The following ATP10B variants were observed in gnomAD, a reference collection of about 807,000 sequenced individuals.
The protein encoded by ATP10B is ATPase phospholipid transporting 10B (putative).
ATP10B carries 122 observed loss-of-function variants against 141.2 expected under a neutral mutation model. The ratio of observed to expected loss-of-function variants is 0.86; its 90% CI spans 0.75 to 1.00. The LOEUF is 1.00. Ranked by LOEUF, ATP10B falls within the 50% of genes least tolerant of loss-of-function variation. The pLI is 0.00. For synonymous variants in ATP10B, 685 were observed against 692.0 expected (o/e 0.99, Z 0.16); for missense variants, 1,876 against 1,825.3 (o/e 1.03, Z -0.51).
chr5:160,580,618 T>C (rs764407323), intron 24 of ATP10B, among the ~76,000 whole-genome samples: 3 of 152,200 alleles, frequency 2.0e-5, no homozygotes, highest in Non-Finnish European at 4.4e-5. Flanking sequence ...TGGCCTGAAA[T>C]TTTCTTTTGT....
chr5:160,838,992 G>A (rs749752033), intron 1 of ATP10B, among the ~76,000 whole-genome samples: 58 of 152,200 alleles, frequency 3.8e-4, no homozygotes, highest in Middle Eastern at 6.8e-3. Context: ...GCCATGTGAG[G>A]TGCAAGCTCC....
intron 1 of ATP10B, among the ~76,000 whole-genome samples, chr5:160,808,473 G>A (rs1024917063): frequency 2.0e-5 from 3 of 152,076 alleles, no homozygotes; most frequent in Non-Finnish European, 4.4e-5. Flanking sequence ...TTCTGTTTTT[G>A]CTAATCATTT....
At chr5:160,870,177 G>A in the ATP10B span, among the ~76,000 whole-genome samples, 1 of 152,108 alleles carries the variant, frequency 6.6e-6, no homozygotes, top group Admixed American at 6.6e-5. Context: ...CAAGGGGAAA[G>A]AAAGTAACCT....
chr5:160,687,880 T>A lies in ATP10B; in HGVS notation c.195A>T (p.Arg65Ser). 1 of 1,614,104 alleles carries A rather than the reference T, an allele frequency of 6.2e-7. No homozygotes were observed. Among genetic ancestry groups the A allele is most frequent in the Non-Finnish European group, 8.5e-7 (1 of 1,180,030 alleles). Residue 65 changes from arginine (R) to serine (S), a missense_variant, in exon 5 of 26, where the codon AGA (arginine) becomes AGT (serine). Arg to Ser is a moderately radical substitution (Grantham distance 110, BLOSUM62 -1). Coordinates refer to ENST00000327245, the MANE Select transcript of ATP10B (RefSeq NM_025153.3). ...TTGTGCAGGTTCTGTTGCCAGGGTA[T>A]CTCCTGGAGACCTCTTCCCAATCTT... ...FHQDWEEVSR[R>S]YPGNRTCTTK...
chr5:160,869,659 G>A, the ATP10B span, among the ~76,000 whole-genome samples: 1 of 152,072 alleles, frequency 6.6e-6, no homozygotes, highest in Non-Finnish European at 1.5e-5. Context: ...AGGACACAAG[G>A]CAAACCATTG....
At chr5:160,706,545 G>A (rs754873161) in intron 3 of ATP10B, among the ~76,000 whole-genome samples, 3 of 152,138 alleles carry the variant, frequency 2.0e-5, no homozygotes, top group South Asian at 2.1e-4. Context: ...CTACCTCAAC[G>A]TGAGCCAGAA....
chr5:160,790,706 T>C (rs991607650), intron 1 of ATP10B, among the ~76,000 whole-genome samples: 1 of 152,272 alleles, frequency 6.6e-6, no homozygotes, highest in Admixed American at 6.5e-5. Context: ...AAGGGAACCT[T>C]GTATTCTCTG....
the ATP10B span, among the ~76,000 whole-genome samples, chr5:160,890,502 G>C: frequency 8.8e-4 from 133 of 151,764 alleles, no homozygotes; most frequent in Non-Finnish European, 1.7e-3. Context: ...CTTTGGATTT[G>C]ACTATTCTGG....
intron 2 of ATP10B, among the ~76,000 whole-genome samples, chr5:160,737,533 TAAAC>T (rs1277901810): frequency 2.0e-5 from 3 of 152,060 alleles, no homozygotes; most frequent in East Asian, 1.9e-4. Context: ...TTAGAACTGA[TAAAC>T]AAATTCAGTA....
intron 2 of ATP10B, among the ~76,000 whole-genome samples, chr5:160,719,874 C>G (rs567362536): frequency 3.9e-5 from 6 of 152,076 alleles, no homozygotes; most frequent in Non-Finnish European, 8.8e-5. Flanking sequence ...TATAAAAGAC[C>G]CAGGCAGGAT....
At chr5:160,842,110 C>T (rs1773710672) in intron 1 of ATP10B, among the ~76,000 whole-genome samples, 1 of 152,156 alleles carries the variant, frequency 6.6e-6, no homozygotes, top group Non-Finnish European at 1.5e-5. Context: ...ATTTCAAAGA[C>T]TTGAAATGAT....
intron 1 of ATP10B, among the ~76,000 whole-genome samples, chr5:160,826,367 A>G (rs1034880638): frequency 6.6e-6 from 1 of 152,192 alleles, no homozygotes; most frequent in East Asian, 1.9e-4. Flanking sequence ...TAAATCGTGA[A>G]GATTTCATGG....
chr5:160,584,383 T>C (rs1362357054), intron 24 of ATP10B, among the ~76,000 whole-genome samples: 2 of 152,096 alleles, frequency 1.3e-5, no homozygotes, highest in African/African-American at 2.4e-5. Flanking sequence ...GCACTCCCAG[T>C]GAGATGAGCT....
the ATP10B span, among the ~76,000 whole-genome samples, chr5:160,896,654 CA>C: frequency 3.3e-5 from 5 of 152,064 alleles, no homozygotes; most frequent in African/African-American, 1.2e-4. Flanking sequence ...TGTAACTATC[CA>C]AACAATAGAA....
At chr5:160,699,608 G>C (rs1360470330) in intron 3 of ATP10B, among the ~76,000 whole-genome samples, 1 of 152,180 alleles carries the variant, frequency 6.6e-6, no homozygotes, top group Non-Finnish European at 1.5e-5. Flanking sequence ...GCTTAGCACA[G>C]AGAATGTGGC....
chr5:160,592,062 T>G (rs1756342120), intron 22 of ATP10B, among the ~76,000 whole-genome samples: 1 of 152,196 alleles, frequency 6.6e-6, no homozygotes, highest in South Asian at 2.1e-4. Context: ...TGGGAGTGCA[T>G]GCTGTCTGAC....
rs536490258 is a variant in ATP10B at position 160,612,379 on chromosome 5, C to T, written c.2838+362G>A. 4 of 166,346 alleles carry T rather than the reference C, an allele frequency of 2.4e-5. No individual in the cohort carries two copies. The South Asian group carries it at 7.3e-4, about 30-fold the overall frequency. The allele number at this position is 166,346 out of a possible 1,614,324, so 10.3% of individuals were successfully genotyped here. ...TAGCTCAGTTCTAGACTTAGTTCTA[C>T]CTATCAGAAATAAGCAGGGTAAACC... On this transcript the variant is annotated intron_variant, in intron 18 of 25. Transcript: ENST00000327245.
intron 15 of ATP10B, among the ~76,000 whole-genome samples, 159 bp from the exon 16 acceptor site, chr5:160,618,132 G>A (rs1169387016): frequency 6.6e-6 from 1 of 152,204 alleles, no homozygotes; most frequent in Non-Finnish European, 1.5e-5. Context: ...CTGGCTGTCA[G>A]GTTGCCCTGG....
chr5:160,907,286 A>ATTT, the ATP10B span, among the ~76,000 whole-genome samples: 12 of 150,356 alleles, frequency 8.0e-5, no homozygotes, highest in African/African-American at 2.7e-4. Context: ...ACCCTAGTTG[A>ATTT]TTTTTTTTCT....
Sources: gnomAD v4.1 joint callset for allele counts (sites outside exome capture counted in the v4.1 genomes callset) on GRCh38, gnomAD v4.1.1 for gene constraint, MANE v1.5 for transcripts, NCBI Gene and HGNC (gene_info 2026-07-23, HGNC 2026-07-21) for gene names.